Variants in MAN1A2 observed in about 807,000 individuals in gnomAD.
The protein encoded by MAN1A2 is mannosidase alpha class 1A member 2.
A neutral mutation model predicts 75.7 loss-of-function variants in MAN1A2; 26 were observed. That is an observed-to-expected ratio of 0.34 (90% CI 0.25 to 0.48). The LOEUF is 0.48. Ranked by LOEUF, MAN1A2 falls within the 20% of genes least tolerant of loss-of-function variation. MAN1A2 has a pLI of 0.99. For missense variants in MAN1A2, 562 were observed against 775.5 expected, an observed-to-expected ratio of 0.72 and a Z score of 3.27; for synonymous variants, 247 against 264.6, an observed-to-expected ratio of 0.93 and a Z score of 0.65.
chr1:117,516,768 G>A (rs150265668), intron 12 of MAN1A2, among the ~76,000 whole-genome samples: 5 of 152,104 alleles, frequency 3.3e-5, no homozygotes, highest in Non-Finnish European at 4.4e-5. Flanking sequence ...AAAGCCCAGC[G>A]TGCTCCCTGA....
At chr1:117,502,060 A>C (rs1473785670) in intron 11 of MAN1A2, among the ~76,000 whole-genome samples, 1 of 151,874 alleles carries the variant, frequency 6.6e-6, no homozygotes, top group Non-Finnish European at 1.5e-5. Context: ...AGGCATGCCC[A>C]AAGATGCAAA....
At chr1:117,511,233 T>A (rs1437414757) in intron 12 of MAN1A2, among the ~76,000 whole-genome samples, 1 of 151,984 alleles carries the variant, frequency 6.6e-6, no homozygotes, top group African/African-American at 2.4e-5. Context: ...TCCAGTCACC[T>A]CCCACCACAT....
chr1:117,417,795 G>T (rs1226452138), intron 4 of MAN1A2, among the ~76,000 whole-genome samples: 1 of 151,176 alleles, frequency 6.6e-6, no homozygotes, highest in African/African-American at 2.4e-5. Context: ...TAGGCAGTTT[G>T]AAATTAATCA....
intron 1 of MAN1A2, among the ~76,000 whole-genome samples, chr1:117,381,255 A>G (rs942850680): frequency 2.6e-5 from 4 of 152,116 alleles, no homozygotes; most frequent in Admixed American, 1.3e-4. Context: ...TTACATATGT[A>G]TACATGTGCC....
intron 3 of MAN1A2, among the ~76,000 whole-genome samples, chr1:117,411,568 A>G (rs1312530617): frequency 6.6e-6 from 1 of 151,832 alleles, no homozygotes; most frequent in Non-Finnish European, 1.5e-5. Flanking sequence ...AATGTTGGTA[A>G]ATTGGACTTA....
At chr1:117,383,387 T>C (rs1405391597) in intron 1 of MAN1A2, among the ~76,000 whole-genome samples, 1 of 152,226 alleles carries the variant, frequency 6.6e-6, no homozygotes, top group East Asian at 1.9e-4. Context: ...GATTTTTGCA[T>C]CACTATTTAT....
chr1:117,375,569 C>G (rs557060391), intron 1 of MAN1A2, among the ~76,000 whole-genome samples: 14 of 152,088 alleles, frequency 9.2e-5, no homozygotes, highest in Non-Finnish European at 1.9e-4. Flanking sequence ...GTTGATATTA[C>G]CATTAAAAAA....
intron 5 of MAN1A2, among the ~76,000 whole-genome samples, chr1:117,430,111 G>GT (rs574562135): frequency 0.022 from 1,219 of 56,410 alleles, 128 homozygotes; most frequent in African/African-American, 0.042. Flanking sequence ...CCCGGACGGG[G>GT]TAGCTGGCCG....
At chr1:117,479,767 A>G (rs1370410398) in intron 8 of MAN1A2, among the ~76,000 whole-genome samples, 1 of 150,816 alleles carries the variant, frequency 6.6e-6, no homozygotes, top group Non-Finnish European at 1.5e-5. Context: ...CCTTATTCTT[A>G]TTGTGCATTA....
At chr1:117,466,770 A>G (rs764474869) in intron 8 of MAN1A2, among the ~76,000 whole-genome samples, 2 of 152,160 alleles carry the variant, frequency 1.3e-5, no homozygotes, top group Admixed American at 6.6e-5. Context: ...GAGGAGGAGT[A>G]TGAAAAACAA....
rs1022678677 is a variant in MAN1A2 at position 117,526,911 on chromosome 1, A to G, written c.*3954A>G. ...ATATATATATATATATATATATATG[A>G]GAGATATATGAGATATATGAGAGAT... On this transcript the variant is annotated 3_prime_UTR_variant, in exon 13 of 13. Transcript: ENST00000356554. 1 of 114,768 alleles carries G rather than the reference A, an allele frequency of 8.7e-6. No individual in the cohort carries two copies. Among genetic ancestry groups the G allele is most frequent in the Non-Finnish European group, 1.8e-5 (1 of 55,740 alleles). The allele number at this position is 114,768 out of a possible 1,614,324, so 7.1% of individuals were successfully genotyped here.
chr1:117,460,876 C>T (rs564751856), intron 7 of MAN1A2, among the ~76,000 whole-genome samples: 6 of 152,186 alleles, frequency 3.9e-5, no homozygotes, highest in South Asian at 2.1e-4. Context: ...CATTGTGCTG[C>T]GGTACCTACC....
intron 8 of MAN1A2, among the ~76,000 whole-genome samples, chr1:117,490,550 G>A (rs1172550942): frequency 2.0e-5 from 3 of 151,902 alleles, no homozygotes; most frequent in African/African-American, 7.3e-5. Context: ...ATTAATATAA[G>A]GCCAGTTAAT....
intron 1 of MAN1A2, among the ~76,000 whole-genome samples, chr1:117,392,222 C>CT (rs1329405839): frequency 6.6e-6 from 1 of 152,002 alleles, no homozygotes; most frequent in Non-Finnish European, 1.5e-5. Context: ...AATGATTGAG[C>CT]TTTTGTCTTC....
intron 12 of MAN1A2, among the ~76,000 whole-genome samples, chr1:117,513,072 T>G (rs186044276): frequency 6.6e-6 from 1 of 152,252 alleles, no homozygotes; most frequent in East Asian, 1.9e-4. Flanking sequence ...CAGCCTTACT[T>G]GATGCATGGA....
intron 1 of MAN1A2, among the ~76,000 whole-genome samples, chr1:117,375,469 A>T (rs1318002607): frequency 1.3e-5 from 2 of 152,174 alleles, no homozygotes; most frequent in Non-Finnish European, 2.9e-5. Flanking sequence ...GATTACAAAG[A>T]ACACAGGTGT....
chr1:117,460,940 G>C (rs1649797962), intron 7 of MAN1A2, among the ~76,000 whole-genome samples: 1 of 152,184 alleles, frequency 6.6e-6, no homozygotes, highest in South Asian at 2.1e-4. Context: ...AATTGAAAAG[G>C]AGGAAAGAAA....
rs115434450 is a variant in MAN1A2, at chr1:117,489,032, C to G, written c.1169-4115C>G. ...TAGATAATTCTGAAATTTGCTCCTT[C>G]TGCCCACTCAACAGCATATAATAGA... On this transcript the variant is annotated intron_variant, in intron 8 of 12. Coordinates refer to ENST00000356554, the MANE Select transcript of MAN1A2 (RefSeq NM_006699.5). Among the ~76,000 whole-genome samples the G allele has an allele frequency of 3.7e-3, 570 of 152,146 alleles. 4 individuals are homozygous for G. The highest frequency in any genetic ancestry group is 0.013 in the African/African-American group (545 of 41,538).
intron 6 of MAN1A2, among the ~76,000 whole-genome samples, chr1:117,446,073 T>C (rs901791810): frequency 6.6e-6 from 1 of 150,982 alleles, no homozygotes; most frequent in African/African-American, 2.4e-5. Flanking sequence ...GAAAATTTGG[T>C]GTAAAGTCGT....
Sources: gnomAD v4.1 joint callset for allele counts (sites outside exome capture counted in the v4.1 genomes callset) on GRCh38, gnomAD v4.1.1 for gene constraint, MANE v1.5 for transcripts, NCBI Gene and HGNC (gene_info 2026-07-23, HGNC 2026-07-21) for gene names.